The following METTL21A variants were observed in gnomAD, a reference collection of about 807,000 sequenced individuals.
The protein encoded by METTL21A is protein N-lysine methyltransferase METTL21A.
In METTL21A, 22 loss-of-function variants were observed where a neutral mutation model predicts 20.9. That is an observed-to-expected ratio of 1.05 (90% CI 0.75 to 1.50). The LOEUF is 1.50. Among genes scored for constraint, METTL21A ranks in the 40% most tolerant of loss-of-function variants. The pLI, the probability that METTL21A is intolerant of heterozygous loss-of-function variation, is 0.00. For synonymous variants in METTL21A, 93 were observed against 102.0 expected (o/e 0.91, Z 0.53); for missense variants, 271 against 266.8 (o/e 1.02, Z -0.11).
intron 3 of METTL21A, among the ~76,000 whole-genome samples, chr2:207,588,728 GTTTT>G (rs58013876): frequency 1.5e-5 from 2 of 134,950 alleles, no homozygotes; most frequent in African/African-American, 2.9e-5. Context: ...CTGTTTTCTG[GTTTT>G]TTTTTTTTTT....
chr2:207,625,577 G>T (rs2091022683), upstream of METTL21A: 1 of 152,412 alleles, frequency 6.6e-6, no homozygotes, highest in Admixed American at 6.5e-5. Flanking sequence ...CGCTGTGGGG[G>T]CGGGAGCAAG....
At chr2:207,592,475 A>T (rs1257308632) in intron 3 of METTL21A, among the ~76,000 whole-genome samples, 1 of 152,094 alleles carries the variant, frequency 6.6e-6, no homozygotes, top group Non-Finnish European at 1.5e-5. Context: ...CTGTGTGTAT[A>T]TAATGCTCCT....
intron 3 of METTL21A, among the ~76,000 whole-genome samples, chr2:207,621,125 A>G (rs2090431309): frequency 6.6e-6 from 1 of 152,242 alleles, no homozygotes; most frequent in African/African-American, 2.4e-5. Flanking sequence ...CCTTATGATT[A>G]GATAGCTTGA....
At chr2:207,597,697 C>A (rs371836046) in intron 3 of METTL21A, 2 of 206,178 alleles carry the variant, frequency 9.7e-6, no homozygotes, top group African/African-American at 4.6e-5. Context: ...GCATTCTGTA[C>A]TAATACAGCT....
chr2:207,599,370 T>C (rs1371983657), intron 3 of METTL21A: 2 of 207,678 alleles, frequency 9.6e-6, no homozygotes, highest in African/African-American at 4.5e-5. Context: ...AAGTAAGTGT[T>C]ATAAATGAAA....
intron 3 of METTL21A, among the ~76,000 whole-genome samples, chr2:207,592,856 T>C (rs1406295963): frequency 2.0e-5 from 3 of 148,388 alleles, no homozygotes; most frequent in Non-Finnish European, 4.4e-5. Context: ...GAGGTTGCAG[T>C]GAGTCCAGAT....
At chr2:207,590,790 G>A (rs910479912) in intron 3 of METTL21A, among the ~76,000 whole-genome samples, 3 of 152,176 alleles carry the variant, frequency 2.0e-5, no homozygotes, top group Non-Finnish European at 4.4e-5. Flanking sequence ...AAAACAAGCA[G>A]GGAAGCAAAG....
intron 3 of METTL21A, chr2:207,620,579 T>G: frequency 7.5e-7 from 1 of 1,333,288 alleles, no homozygotes; most frequent in South Asian, 1.5e-5. Context: ...AATCCCAGCT[T>G]TGTTTGAAAA....
downstream of METTL21A, among the ~76,000 whole-genome samples, chr2:207,605,283 G>A (rs145940427): frequency 4.3e-3 from 659 of 152,190 alleles, no homozygotes; most frequent in Non-Finnish European, 7.0e-3. Context: ...CTCTCATTGT[G>A]GTTTTGATTT....
At chr2:207,597,768 A>G in intron 3 of METTL21A, 1 of 201,576 alleles carries the variant, frequency 5.0e-6, no homozygotes, top group Non-Finnish European at 1.0e-5. Context: ...ATTTTTGAAT[A>G]CATTAAAAGA....
At chr2:207,599,425 C>G (rs750277278) in intron 3 of METTL21A, 7 of 200,478 alleles carry the variant, frequency 3.5e-5, no homozygotes, top group Non-Finnish European at 6.2e-5. Flanking sequence ...AGCTTTTTTT[C>G]AAAAGTTCAG....
chr2:207,598,671 A>AC (rs2086569503), intron 3 of METTL21A: 1 of 164,706 alleles, frequency 6.1e-6, no homozygotes, highest in African/African-American at 2.4e-5. Flanking sequence ...TCATGGTGAA[A>AC]CCCCATCTCT....
downstream of METTL21A, among the ~76,000 whole-genome samples, chr2:207,605,569 TTG>T (rs1447834884): frequency 2.0e-5 from 3 of 149,308 alleles, no homozygotes; most frequent in East Asian, 1.9e-4. Context: ...AAGAAGTTTT[TTG>T]TGTTATGTTT....
At position 207,602,854 on chromosome 2, in the gene METTL21A, C is replaced by T. The variant is rs183832672; in HGVS notation, c.259+18952G>A. On this transcript the variant is annotated intron_variant, in intron 3 of 3. Coordinates refer to the METTL21A transcript ENST00000425132. ...TAGCAGTTTTCCATGTAAAGTTGTC[C>T]TTGACTGATTTGTCCACATGTCAGT... 3.3e-4 allele frequency: 71 copies of T among 217,880 alleles called. 2 individuals are homozygous for T. Among genetic ancestry groups the T allele is most frequent in the African/African-American group, 1.4e-3 (64 of 44,584 alleles). The allele number at this position is 217,880 out of a possible 1,614,324, so 13.5% of individuals were successfully genotyped here.
intron 3 of METTL21A, among the ~76,000 whole-genome samples, chr2:207,585,053 A>G (rs2083577907): frequency 6.6e-6 from 1 of 151,488 alleles, no homozygotes; most frequent in African/African-American, 2.4e-5. Flanking sequence ...GTCCACATAC[A>G]TCATCTAGGG....
exon 4 of METTL21A, chr2:207,613,024 C>T (rs753166697): frequency 9.1e-6 from 14 of 1,530,260 alleles, no homozygotes; most frequent in African/African-American, 1.4e-5. Context: ...TCAATGACAA[C>T]ATTCTTATAA....
intron 3 of METTL21A, among the ~76,000 whole-genome samples, chr2:207,582,429 ATTT>A (rs2083087067): frequency 1.3e-5 from 2 of 152,148 alleles, no homozygotes; most frequent in African/African-American, 2.4e-5. Flanking sequence ...TCTCCACATT[ATTT>A]ATTTTATCAA....
At chr2:207,584,959 T>C (rs2083557299) in intron 3 of METTL21A, among the ~76,000 whole-genome samples, 1 of 152,172 alleles carries the variant, frequency 6.6e-6, no homozygotes, top group Admixed American at 6.5e-5. Flanking sequence ...TTGTACATCA[T>C]GCTTGTGGTA....
In METTL21A at chr2:207,596,896, G is replaced by A. The variant is rs572628198; in HGVS notation, c.260-14736C>T. 74 of 1,589,774 alleles carry A rather than the reference G, an allele frequency of 4.7e-5. No individual in the cohort carries two copies. In the South Asian group the frequency reaches 4.8e-4, roughly 10 times the overall value. On this transcript the variant is annotated intron_variant, in intron 3 of 3. Coordinates refer to the METTL21A transcript ENST00000425132. ...GGAAATCATTTGCATAATTTTTCCC[G>A]TCCTCTTTTGCTTGTAGGGAAGCAG...
Sources: gnomAD v4.1 joint callset for allele counts (sites outside exome capture counted in the v4.1 genomes callset) on GRCh38, gnomAD v4.1.1 for gene constraint, MANE v1.5 for transcripts, NCBI Gene and HGNC (gene_info 2026-07-23, HGNC 2026-07-21) for gene names.